Variants in ASIC2 observed in about 807,000 individuals in gnomAD.
ASIC2 encodes the protein acid sensing ion channel subunit 2.
A neutral mutation model predicts 57.3 loss-of-function variants in ASIC2; 25 were observed. The ratio of observed to expected loss-of-function variants is 0.44; its 90% CI spans 0.32 to 0.61. The LOEUF is 0.61. Among genes scored for constraint, ASIC2 ranks in the 20% least tolerant of loss-of-function variants. The pLI, the probability that ASIC2 is intolerant of heterozygous loss-of-function variation, is 0.06. For synonymous variants in ASIC2, 319 were observed against 307.5 expected (o/e 1.04, Z -0.39); for missense variants, 641 against 738.1 (o/e 0.87, Z 1.52).
intron 1 of ASIC2, among the ~76,000 whole-genome samples, chr17:33,463,757 ATCTC>A (rs1912720510): frequency 6.6e-6 from 1 of 152,114 alleles, no homozygotes; most frequent in Non-Finnish European, 1.5e-5. Context: ...AGCCCAGTCG[ATCTC>A]TCTCTCCTCT....
chr17:33,163,261 T>G (rs988249566), intron 1 of ASIC2, among the ~76,000 whole-genome samples: 11 of 152,162 alleles, frequency 7.2e-5, no homozygotes, highest in Non-Finnish European at 1.3e-4. Flanking sequence ...CATGACCTTC[T>G]AGGTGGAGAG....
At chr17:33,172,713 A>G (rs1905573390) in intron 1 of ASIC2, among the ~76,000 whole-genome samples, 1 of 152,226 alleles carries the variant, frequency 6.6e-6, no homozygotes, top group Non-Finnish European at 1.5e-5. Flanking sequence ...GTATGATGGA[A>G]TGCAGTGGTT....
At chr17:33,245,154 T>C (rs1908648241) in intron 1 of ASIC2, among the ~76,000 whole-genome samples, 1 of 152,226 alleles carries the variant, frequency 6.6e-6, no homozygotes, top group African/African-American at 2.4e-5. Flanking sequence ...CTCCTGGGAC[T>C]GCTCATCATA....
At chr17:33,367,017 G>A (rs540755017) in intron 1 of ASIC2, among the ~76,000 whole-genome samples, 22 of 152,354 alleles carry the variant, frequency 1.4e-4, no homozygotes, top group African/African-American at 1.9e-4. Context: ...CATGTTCTGC[G>A]TGCTAGGTGC....
intron 1 of ASIC2, among the ~76,000 whole-genome samples, chr17:34,013,442 A>C (rs1906841821): frequency 6.6e-6 from 1 of 152,238 alleles, no homozygotes; most frequent in East Asian, 1.9e-4. Context: ...CCATACATGC[A>C]ATGGAGTCAA....
intron 1 of ASIC2, among the ~76,000 whole-genome samples, chr17:33,675,878 C>T (rs569043673): frequency 3.7e-4 from 57 of 152,294 alleles, no homozygotes; most frequent in African/African-American, 1.3e-3. Flanking sequence ...GATTTAGCCT[C>T]ATTTTATTGC....
chr17:33,014,122 A>T, intron 9 of ASIC2, 56 bp from the exon 10 acceptor site: 1 of 1,402,520 alleles, frequency 7.1e-7, no homozygotes, highest in East Asian at 2.5e-5. Flanking sequence ...ATTCTTCATG[A>T]TGCCACCAGC....
At chr17:33,109,036 A>G (rs1183258960) in intron 2 of ASIC2, among the ~76,000 whole-genome samples, 48 of 152,168 alleles carry the variant, frequency 3.2e-4, no homozygotes, top group Non-Finnish European at 4.4e-5. Context: ...ACTGTATTAA[A>G]AATTCAATTC....
chr17:33,686,430 A>G (rs928925746), intron 1 of ASIC2, among the ~76,000 whole-genome samples: 1 of 152,110 alleles, frequency 6.6e-6, no homozygotes, highest in Non-Finnish European at 1.5e-5. Flanking sequence ...CCTGTTCAGT[A>G]TGTAATTCTG....
intron 1 of ASIC2, among the ~76,000 whole-genome samples, chr17:33,821,518 C>A (rs1420321676): frequency 6.6e-6 from 1 of 152,132 alleles, no homozygotes; most frequent in African/African-American, 2.4e-5. Context: ...CTAGCACATG[C>A]CGACTCCTAG....
intron 1 of ASIC2, among the ~76,000 whole-genome samples, chr17:33,827,502 T>G (rs916445100): frequency 2.0e-5 from 1 of 50,932 alleles, no homozygotes; most frequent in African/African-American, 9.1e-5. Context: ...TGGCTATTTT[T>G]TGTCTTTTTT....
intron 1 of ASIC2, among the ~76,000 whole-genome samples, chr17:33,374,876 T>C (rs546782909): frequency 6.6e-6 from 1 of 152,272 alleles, no homozygotes; most frequent in African/African-American, 2.4e-5. Flanking sequence ...TGTAGAGAGA[T>C]GATCTCGTTT....
chr17:33,799,419 CTTTCTTTCTTCTTTCTTTCT>C (rs1567719003), intron 1 of ASIC2, among the ~76,000 whole-genome samples: 56 of 68,806 alleles, frequency 8.1e-4, no homozygotes, highest in African/African-American at 2.7e-3. Context: ...TTCTTTCTTT[CTTTCTTTCTTCTTTCTTTCT>C]TTCTTTCTTT....
At chr17:33,128,538 G>T (rs990278291) in intron 1 of ASIC2, among the ~76,000 whole-genome samples, 2 of 152,172 alleles carry the variant, frequency 1.3e-5, no homozygotes, top group Non-Finnish European at 1.5e-5. Context: ...AGGGAAGTTG[G>T]CAGGAGAAGT....
At chr17:33,610,197 G>A (rs1039612246) in intron 1 of ASIC2, among the ~76,000 whole-genome samples, 5 of 152,020 alleles carry the variant, frequency 3.3e-5, no homozygotes, top group Non-Finnish European at 5.9e-5. Context: ...TGGCTCTGTT[G>A]CCCACGCTAG....
intron 1 of ASIC2, among the ~76,000 whole-genome samples, chr17:33,418,916 C>T (rs1032457367): frequency 7.0e-6 from 1 of 143,668 alleles, no homozygotes; most frequent in Non-Finnish European, 1.5e-5. Flanking sequence ...AACACACGGA[C>T]ACGGGGGAGG....
At chr17:33,363,013 G>T (rs1438032808) in intron 1 of ASIC2, among the ~76,000 whole-genome samples, 1 of 152,196 alleles carries the variant, frequency 6.6e-6, no homozygotes, top group Non-Finnish European at 1.5e-5. Flanking sequence ...TAATTTCAGA[G>T]AATCTTTGCT....
chr17:33,901,673 C>G (rs1298780290), intron 1 of ASIC2, among the ~76,000 whole-genome samples: 1 of 152,136 alleles, frequency 6.6e-6, no homozygotes, highest in African/African-American at 2.4e-5. Flanking sequence ...AGTTCATCCC[C>G]AGAATCTCCT....
At chr17:33,341,467 G>A (rs547140478) in intron 1 of ASIC2, among the ~76,000 whole-genome samples, 47 of 151,274 alleles carry the variant, frequency 3.1e-4, no homozygotes, top group Admixed American at 1.8e-3. Flanking sequence ...ACACAGCCAC[G>A]CTCATTTGTT....
Sources: allele counts gnomAD v4.1 joint callset (sites outside exome capture counted in the v4.1 genomes callset), GRCh38; gene constraint gnomAD v4.1.1; transcripts MANE v1.5; gene names NCBI Gene and HGNC (gene_info 2026-07-23, HGNC 2026-07-21).